The following SAMD8 variants were observed in gnomAD, a reference collection of about 807,000 sequenced individuals.
SAMD8 encodes sterile alpha motif domain containing 8.
SAMD8 carries 20 observed loss-of-function variants against 42.0 expected under a neutral mutation model. That is an observed-to-expected ratio of 0.48 (90% CI 0.34 to 0.69). SAMD8 has a LOEUF of 0.69. Ranked by LOEUF, SAMD8 falls within the 30% of genes least tolerant of loss-of-function variation. SAMD8 has a pLI of 0.01. For synonymous variants in SAMD8, 162 were observed against 173.0 expected, an observed-to-expected ratio of 0.94 and a Z score of 0.50; for missense variants, 328 against 511.6, an observed-to-expected ratio of 0.64 and a Z score of 3.46.
upstream of SAMD8, chr10:75,108,201 G>A (rs370176676): frequency 5.0e-6 from 8 of 1,603,378 alleles, no homozygotes; most frequent in African/African-American, 2.7e-5. Context: ...GCGGTTGTTT[G>A]CCGTGGCCCT....
At chr10:75,110,668 C>A (rs1848743461), upstream of SAMD8, among the ~76,000 whole-genome samples, 1 of 152,128 alleles carries the variant, frequency 6.6e-6, no homozygotes, top group Non-Finnish European at 1.5e-5. Context: ...TGGGAGGAGA[C>A]CTTCCCTCAG....
intron 1 of SAMD8, among the ~76,000 whole-genome samples, chr10:75,134,361 G>A (rs1416225463): frequency 1.3e-5 from 2 of 152,124 alleles, no homozygotes; most frequent in African/African-American, 2.4e-5. Flanking sequence ...CAGGCCAGGC[G>A]CAGTGGCTCA....
chr10:75,126,989 A>G (rs990922901), intron 1 of SAMD8, among the ~76,000 whole-genome samples: 3 of 152,060 alleles, frequency 2.0e-5, no homozygotes, highest in Admixed American at 2.0e-4. Context: ...ACGGTTCGAG[A>G]CCAGCCTGGC....
chr10:75,101,108 G>C (rs778089635), intron 1 of SAMD8, among the ~76,000 whole-genome samples: 28 of 152,238 alleles, frequency 1.8e-4, no homozygotes, highest in Non-Finnish European at 3.2e-4. Flanking sequence ...GCCTGCAGAA[G>C]GGTGGCGTGT....
chr10:75,136,561 A>G (rs571431261), intron 1 of SAMD8, among the ~76,000 whole-genome samples: 1 of 152,324 alleles, frequency 6.6e-6, no homozygotes, highest in South Asian at 2.1e-4. Context: ...TTTGGTAATC[A>G]GTCAGGGTTC....
chr10:75,101,758 C>CA, intron 1 of SAMD8: 4 of 699,670 alleles, frequency 5.7e-6, no homozygotes, highest in Non-Finnish European at 9.2e-6. Flanking sequence ...GTTCTCTACC[C>CA]AACCCAAACC....
rs996000650 is a variant in SAMD8 at position 75,176,971 on chromosome 10, T to C, written c.*279T>C. On this transcript the variant is annotated 3_prime_UTR_variant, in exon 6 of 6. Transcript: ENST00000542569. This position sits in a 1 kb window ranked among gnomAD's most constrained non-coding sequence, Gnocchi z 4.3. ...GAAGTCAGGCTGTACCCTTACCTGT[T>C]GAGTATTTGCTTATTGAACTTTAAA... The C allele has an allele frequency of 3.5e-6, 1 of 285,020 alleles. No homozygotes were observed. Among genetic ancestry groups the C allele is most frequent in the African/African-American group, 2.2e-5 (1 of 45,718 alleles). 17.7% of individuals were successfully genotyped at this position (285,020 alleles called of 1,614,324 possible).
intron 1 of SAMD8, among the ~76,000 whole-genome samples, chr10:75,119,812 T>A (rs1848964169): frequency 6.6e-6 from 1 of 152,334 alleles, no homozygotes; most frequent in South Asian, 2.1e-4. Context: ...ACTCCTGTAA[T>A]CTCAGCACCT....
chr10:75,139,157 C>A (rs981422080), intron 1 of SAMD8, among the ~76,000 whole-genome samples: 2 of 151,278 alleles, frequency 1.3e-5, no homozygotes, highest in African/African-American at 2.4e-5. Flanking sequence ...TTAATACAGA[C>A]AGGGTTTCAC....
At chr10:75,129,689 A>G (rs1849230199) in intron 1 of SAMD8, among the ~76,000 whole-genome samples, 1 of 152,238 alleles carries the variant, frequency 6.6e-6, no homozygotes, top group African/African-American at 2.4e-5. Context: ...CAAAGCCATT[A>G]ATGTTTTAAG....
intron 1 of SAMD8, among the ~76,000 whole-genome samples, chr10:75,134,688 C>T (rs1849347035): frequency 6.6e-6 from 1 of 152,026 alleles, no homozygotes; most frequent in Admixed American, 6.6e-5. Context: ...TTCTGTTGTA[C>T]AGTAGGGTGA....
At chr10:75,128,982 C>G (rs181752118) in intron 1 of SAMD8, among the ~76,000 whole-genome samples, 64 of 152,142 alleles carry the variant, frequency 4.2e-4, no homozygotes, top group Admixed American at 2.6e-3. Context: ...TTGACACTTT[C>G]GTAATATAGA....
intron 2 of SAMD8, among the ~76,000 whole-genome samples, chr10:75,161,546 G>A (rs531413358): frequency 1.0e-4 from 15 of 150,396 alleles, no homozygotes; most frequent in South Asian, 6.3e-4. Context: ...AAACATAAGC[G>A]CAAACAGAAA....
chr10:75,107,957 C>A (rs775039098), upstream of SAMD8: 1 of 1,580,508 alleles, frequency 6.3e-7, no homozygotes. Context: ...CATGAATGAG[C>A]AAGATGGGAT....
chr10:75,174,560 G>T (rs993204901), intron 4 of SAMD8, among the ~76,000 whole-genome samples: 3 of 150,126 alleles, frequency 2.0e-5, no homozygotes, highest in African/African-American at 7.4e-5. Flanking sequence ...TCAGTCTCCT[G>T]AGTAGCTGGG....
At chr10:75,124,888 T>C (rs1849093639) in intron 1 of SAMD8, among the ~76,000 whole-genome samples, 1 of 151,934 alleles carries the variant, frequency 6.6e-6, no homozygotes, top group South Asian at 2.1e-4. Context: ...CTCAGCTTCC[T>C]AAGTAGCTGG....
chr10:75,110,010 G>T (rs2134406305), upstream of SAMD8, among the ~76,000 whole-genome samples: 1 of 152,254 alleles, frequency 6.6e-6, no homozygotes, highest in Admixed American at 6.5e-5. Context: ...TAGAGATGGG[G>T]TTTTGCCATG....
Position 75,180,940 on chromosome 10 carries a change from G to T in SAMD8, c.*4248G>T, listed in dbSNP as rs1841071995. The T allele has an allele frequency of 1.3e-5, 2 of 152,088 alleles. No individual in the cohort carries two copies. Among genetic ancestry groups the T allele is most frequent in the Non-Finnish European group, 2.9e-5 (2 of 68,010 alleles). The allele number at this position is 152,088 out of a possible 1,614,324, so 9.4% of individuals were successfully genotyped here. A position where few individuals can be genotyped will look rare whatever the true frequency, so the allele number is the denominator to read the frequency against. ...AATTTCATAGTAAGCTTTTTTAAAG[G>T]ATTCTAGATCTAAATTGCCTAAGAA... On this transcript the variant is annotated 3_prime_UTR_variant, in exon 6 of 6. Coordinates refer to ENST00000542569, the MANE Select transcript of SAMD8 (RefSeq NM_001174156.2).
At chr10:75,152,397 C>A (rs1388549644) in intron 2 of SAMD8, among the ~76,000 whole-genome samples, 1 of 149,980 alleles carries the variant, frequency 6.7e-6, no homozygotes, top group Non-Finnish European at 1.5e-5. Context: ...TGGCGGGCGC[C>A]TGTAGTCCCA....
Sources: allele counts gnomAD v4.1 joint callset (sites outside exome capture counted in the v4.1 genomes callset), GRCh38; gene constraint gnomAD v4.1.1; non-coding constraint Gnocchi (gnomAD v3.1); transcripts MANE v1.5; gene names NCBI Gene and HGNC (gene_info 2026-07-23, HGNC 2026-07-21).